Variants in UNC45A observed in about 807,000 individuals in gnomAD.
The protein encoded by UNC45A is protein unc-45 homolog A.
Under a neutral mutation model 103.2 loss-of-function variants are expected in UNC45A, and 78 were observed. That is an observed-to-expected ratio of 0.76 (90% CI 0.63 to 0.91). UNC45A has a LOEUF of 0.91. Among genes scored for constraint, UNC45A ranks in the 40% least tolerant of loss-of-function variants. The pLI is 0.00. For synonymous variants in UNC45A, 495 were observed against 504.6 expected (o/e 0.98, Z 0.25); for missense variants, 1,193 against 1,224.8 (o/e 0.97, Z 0.39).
At chr15:90,950,303 C>T in intron 16 of UNC45A, 36 bp downstream of exon 16, 1 of 1,547,744 alleles carries the variant, frequency 6.5e-7, no homozygotes, top group Non-Finnish European at 8.7e-7. Context: ...TCCACTCCCT[C>T]TGTCCCTGAT....
chr15:90,950,710 T>C (rs2036859465), intron 17 of UNC45A, 95 bp downstream of exon 17: 1 of 1,264,248 alleles, frequency 7.9e-7, no homozygotes, highest in Admixed American at 2.0e-5. Flanking sequence ...TCCTTGGTCA[T>C]GGGCTTCTGT....
At chr15:90,931,255 T>C (rs1425489613), upstream of UNC45A, 53 of 1,550,616 alleles carry the variant, frequency 3.4e-5, no homozygotes, top group Non-Finnish European at 4.3e-5. Flanking sequence ...GTTGTGCCTC[T>C]GGATAGCTTC....
intron 4 of UNC45A, among the ~76,000 whole-genome samples, chr15:90,937,116 T>A (rs1467124234): frequency 6.6e-6 from 1 of 152,136 alleles, no homozygotes; most frequent in Admixed American, 6.5e-5. Flanking sequence ...GAGGCCAAGA[T>A]GGGATGATCA....
At chr15:90,950,640 C>T (rs756943762) in intron 17 of UNC45A, 25 bp downstream of exon 17, 4 of 1,608,646 alleles carry the variant, frequency 2.5e-6, no homozygotes, top group East Asian at 2.2e-5. Flanking sequence ...GATTGCGGGG[C>T]CTGGACCAGG....
Position 90,953,194 on chromosome 15 carries a change from A to C in UNC45A, c.2461A>C (p.Lys821Gln). 7 of 1,613,908 alleles carry C rather than the reference A, an allele frequency of 4.3e-6. 1 individual carries two copies. In the South Asian group the frequency reaches 7.7e-5, roughly 18 times the overall value. Residue 821 changes from lysine to glutamine, a missense_variant, in exon 19 of 20, where the codon AAG (lysine) becomes CAG (glutamine). Physicochemically the swap from Lys to Gln is moderately conservative, Grantham distance 53 (BLOSUM62 1). Transcript: ENST00000418476. ...CGAAGCCCAGGGCAATGACCGACTG[A>C]AGCTGCTGGTGCTGTACAGTGGAGA... ...LFEAQGNDRL[K>Q]LLVLYSGEDD...
intron 11 of UNC45A, 39 bp downstream of exon 11, chr15:90,947,929 G>C (rs199953490): frequency 1.3e-6 from 2 of 1,585,644 alleles, no homozygotes; most frequent in African/African-American, 2.7e-5. Flanking sequence ...CCACCTGTGG[G>C]GTAGATCTCA....
chr15:90,935,811 G>A (rs1331989301), intron 2 of UNC45A, 106 bp downstream of exon 2: 21 of 1,535,818 alleles, frequency 1.4e-5, no homozygotes, highest in Non-Finnish European at 2.6e-6. Context: ...GGCCATCCCC[G>A]CTTGCCAGAT....
upstream of UNC45A, chr15:90,932,800 C>G: frequency 2.6e-6 from 1 of 379,036 alleles, no homozygotes; most frequent in Non-Finnish European, 4.7e-6. Flanking sequence ...CTTTGGGAGC[C>G]CACAGTCTGT....
intron 10 of UNC45A, 153 bp downstream of exon 10, chr15:90,947,067 T>A: frequency 2.4e-6 from 2 of 836,508 alleles, no homozygotes; most frequent in Middle Eastern, 3.6e-4. Context: ...TGCATGCCTA[T>A]AGGTCCAGCT....
upstream of UNC45A, chr15:90,934,726 G>A (rs2035916833): frequency 5.0e-6 from 2 of 399,048 alleles, no homozygotes; most frequent in Admixed American, 4.4e-5. Context: ...TCAGGGGGCT[G>A]TGCAAGCTGG....
At chr15:90,949,291 T>C (rs1278802945) in intron 13 of UNC45A, 25 bp from the exon 14 acceptor site, 2 of 1,606,442 alleles carry the variant, frequency 1.2e-6, no homozygotes, top group Non-Finnish European at 1.7e-6. Flanking sequence ...CCTAGGCCCC[T>C]CTCCTAAGCT....
chr15:90,936,200 G>A (rs2036009025), intron 3 of UNC45A, 85 bp from the exon 4 acceptor site: 2 of 1,540,578 alleles, frequency 1.3e-6, no homozygotes, highest in East Asian at 2.3e-5. Flanking sequence ...ACCTTCTTCT[G>A]GCCTTTCCTC....
Position 90,949,453 on chromosome 15 carries a change from C to G in UNC45A, c.2006+10C>G, listed in dbSNP as rs540747141. The G allele has an allele frequency of 2.5e-6, 4 of 1,613,196 alleles. No homozygotes were observed. Among genetic ancestry groups the G allele is most frequent in the African/African-American group, 2.7e-5 (2 of 75,026 alleles). On this transcript the variant is annotated intron_variant, in intron 14 of 19. Coordinates refer to ENST00000418476, the MANE Select transcript of UNC45A (RefSeq NM_018671.5). ...GAGAGCTGCTCTCCAGGTGAGCCAG[C>G]CTTGGTAGGAGCCAACCTTTCCCAA...
chr15:90,933,153 C>T (rs1168570158), upstream of UNC45A: 2 of 152,274 alleles, frequency 1.3e-5, no homozygotes, highest in African/African-American at 4.8e-5. Context: ...GACTTAGGCT[C>T]CCAGGTAGCT....
Position 90,948,523 on chromosome 15 carries a change from A to G in UNC45A, c.1738-131A>G, listed in dbSNP as rs1444525808. On this transcript the variant is annotated intron_variant, in intron 12 of 19. Transcript: ENST00000418476. ...AAGCTCCCAAAGTCTGGGGCCTGGG[A>G]GTTTCCCGAATTCATCCTGTACCCA... 6 of 1,433,382 alleles carry G rather than the reference A, an allele frequency of 4.2e-6. No individual in the cohort carries two copies. In the African/African-American group the frequency reaches 7.1e-5, roughly 17 times the overall value. 88.8% of individuals were successfully genotyped at this position (1,433,382 alleles called of 1,614,324 possible).
upstream of UNC45A, chr15:90,932,456 CCTCGGGGTCCT>C: frequency 7.5e-7 from 1 of 1,342,250 alleles, no homozygotes; most frequent in Non-Finnish European, 9.5e-7. Context: ...TAGGGGGTCC[CCTCGGGGTCCT>C]TCCGCCGCTG....
chr15:90,946,266 AAAAAAG>A (rs2036563673), intron 9 of UNC45A, among the ~76,000 whole-genome samples: 5 of 151,742 alleles, frequency 3.3e-5, no homozygotes, highest in Admixed American at 2.0e-4. Flanking sequence ...AAAAAAAAAA[AAAAAAG>A]AAAGAAAAAA....
In UNC45A at chr15:90,948,777, C is replaced by G; in HGVS notation, c.1861C>G (p.Pro621Ala). The change falls in exon 13 of 20, where the codon CCC (proline) becomes GCC (alanine). Residue 621 changes from proline to alanine, a missense_variant. By Grantham distance (27) the Pro-to-Ala change is conservative (BLOSUM62 -1). Transcript: ENST00000418476. ...GGCCAAGTATGCCAAGCAGCATGTG[C>G]CCGAGCAGCACCCCAAGGTGAGGGG... ...ELAKYAKQHV[P>A]EQHPKDKPSF... 1 of 1,608,256 alleles carries G rather than the reference C, an allele frequency of 6.2e-7. No homozygotes were observed. Among genetic ancestry groups the G allele is most frequent in the East Asian group, 2.2e-5 (1 of 44,708 alleles).
At chr15:90,948,026 G>C (rs1359726699) in intron 11 of UNC45A, 116 bp from the exon 12 acceptor site, 1 of 1,537,658 alleles carries the variant, frequency 6.5e-7, no homozygotes, top group Non-Finnish European at 8.9e-7. Flanking sequence ...CCTGGTACGT[G>C]AACTGCTTCT....
Sources: gnomAD v4.1 joint callset for allele counts (sites outside exome capture counted in the v4.1 genomes callset) on GRCh38, gnomAD v4.1.1 for gene constraint, MANE v1.5 for transcripts, NCBI Gene and HGNC (gene_info 2026-07-23, HGNC 2026-07-21) for gene names.